DOCK3: variants seen among roughly 807,000 people sequenced by gnomAD.
DOCK3 encodes dedicator of cytokinesis protein 3.
Under a neutral mutation model 265.6 loss-of-function variants are expected in DOCK3, and 60 were observed. That is an observed-to-expected ratio of 0.23 (90% CI 0.18 to 0.28). The LOEUF (loss-of-function observed/expected upper bound fraction) is 0.28, where lower values mean the gene tolerates loss of function less well. Ranked by LOEUF, DOCK3 falls within the 10% of genes least tolerant of loss-of-function variation. The probability of loss-of-function intolerance (pLI) is 1.00; values close to 1 mark genes in which losing one functional copy is unlikely to be tolerated. For synonymous variants in DOCK3, 881 were observed against 938.0 expected (o/e 0.94, Z 1.11); for missense variants, 1,981 against 2,594.3 (o/e 0.76, Z 5.14).
chr3:50,857,590 A>G (rs1312507746), intron 3 of DOCK3, among the ~76,000 whole-genome samples: 1 of 152,202 alleles, frequency 6.6e-6, no homozygotes, highest in East Asian at 1.9e-4. Flanking sequence ...AATTTACAAG[A>G]AAAAACACCA....
chr3:51,354,981 C>A lies in DOCK3; in HGVS notation c.4207C>A (p.Pro1403Thr). ...TCCGCAGGCTGTCGCCATGCAGCAC[C>A]CCAACCATCCTGATGACGCCATCCT... The part of the protein sequence containing the change: ...EFPQAVAMQH[P>T]NHPDDAILQC... Residue 1403 changes from proline (P) to threonine (T), a missense_variant, in exon 41 of 53, where the codon CCC becomes ACC. Transcript: ENST00000266037. 6.2e-7 allele frequency: 1 copy of A among 1,613,924 alleles called. No homozygotes were observed. Among genetic ancestry groups the A allele is most frequent in the Non-Finnish European group, 8.5e-7 (1 of 1,179,864 alleles).
At chr3:50,926,345 A>T (rs568238909) in intron 4 of DOCK3, among the ~76,000 whole-genome samples, 1 of 152,342 alleles carries the variant, frequency 6.6e-6, no homozygotes, top group East Asian at 1.9e-4. Flanking sequence ...TTGAGCATAC[A>T]GGCCAAGGGT....
Position 50,675,360 on chromosome 3 carries a change from C to A in DOCK3, c.37+60C>A, listed in dbSNP as rs1179416785. ...TCTGGGGGACGCGCCCAGCTCCCGG[C>A]CCCGCCTGGATTCGCATCCTCGTGC... On this transcript the variant is annotated intron_variant, in intron 1 of 52. Transcript: ENST00000266037. The surrounding 1 kb of genome is among the most constrained non-coding windows in gnomAD (Gnocchi z 6.1). 1.1e-5 allele frequency: 13 copies of A among 1,177,284 alleles called. No homozygotes were observed. The highest frequency in any genetic ancestry group is 1.4e-5 in the Non-Finnish European group (13 of 942,562). 72.9% of individuals were successfully genotyped at this position (1,177,284 alleles called of 1,614,324 possible).
chr3:51,220,649 T>C (rs1276852748), intron 14 of DOCK3, among the ~76,000 whole-genome samples: 2 of 53,206 alleles, frequency 3.8e-5, no homozygotes. Flanking sequence ...AGAGCAAGAC[T>C]CCATCTCAAA....
intron 16 of DOCK3, 41 bp from the exon 17 acceptor site, chr3:51,227,941 G>C (rs2090398508): frequency 6.3e-7 from 1 of 1,595,966 alleles, no homozygotes; most frequent in African/African-American, 1.3e-5. Flanking sequence ...AGGAAGCAGA[G>C]TGGAAGGCAA....
intron 1 of DOCK3, among the ~76,000 whole-genome samples, chr3:50,712,217 C>CT (rs1559541002): frequency 2.6e-5 from 4 of 151,926 alleles, no homozygotes; most frequent in Non-Finnish European, 5.9e-5. Flanking sequence ...ATTTTCTATT[C>CT]TTTTTTCCAG....
chr3:51,145,658 G>A (rs1190563735), intron 9 of DOCK3, among the ~76,000 whole-genome samples: 1 of 151,968 alleles, frequency 6.6e-6, no homozygotes, highest in Non-Finnish European at 1.5e-5. Context: ...TTTATGTGTG[G>A]CCCAAGACAG....
intron 3 of DOCK3, among the ~76,000 whole-genome samples, chr3:50,846,549 T>G (rs1046179473): frequency 6.6e-6 from 1 of 152,218 alleles, no homozygotes; most frequent in Non-Finnish European, 1.5e-5. Flanking sequence ...TCCCTCTTCC[T>G]TGATGTTTTG....
chr3:51,110,652 ACT>A (rs1298447971), intron 9 of DOCK3, among the ~76,000 whole-genome samples: 3 of 152,200 alleles, frequency 2.0e-5, no homozygotes, highest in Admixed American at 1.3e-4. Flanking sequence ...CATGTTAAAA[ACT>A]CTCAATGAAC....
chr3:50,787,097 C>T (rs2042223003), intron 2 of DOCK3: 17 of 717,076 alleles, frequency 2.4e-5, no homozygotes, highest in Middle Eastern at 3.3e-4. Flanking sequence ...GTTTCTTGAA[C>T]GATTTATTAC....
At chr3:50,982,012 T>C (rs1258239904) in intron 5 of DOCK3, among the ~76,000 whole-genome samples, 2 of 151,866 alleles carry the variant, frequency 1.3e-5, no homozygotes, top group Admixed American at 6.6e-5. Context: ...CCATGCCCAG[T>C]TAATTTTTGT....
chr3:51,158,458 A>G (rs1044646345), intron 10 of DOCK3, among the ~76,000 whole-genome samples: 2 of 152,278 alleles, frequency 1.3e-5, no homozygotes, highest in Admixed American at 1.3e-4. Flanking sequence ...AGGTGGGAGA[A>G]TCGCTTGACC....
chr3:50,777,077 G>A (rs2355350), intron 1 of DOCK3, among the ~76,000 whole-genome samples: 113,366 of 151,988 alleles, frequency 0.75, 43,651 homozygotes, highest in Middle Eastern at 0.88. Flanking sequence ...TGAGAGCAGT[G>A]TGGGGAACAC....
intron 12 of DOCK3, among the ~76,000 whole-genome samples, chr3:51,162,240 CTCTG>C (rs1353382505): frequency 6.6e-6 from 1 of 152,126 alleles, no homozygotes; most frequent in Non-Finnish European, 1.5e-5. Flanking sequence ...TTATCTGTTG[CTCTG>C]TCTGACTTGG....
chr3:50,916,521 A>G (rs1236119539), intron 4 of DOCK3, among the ~76,000 whole-genome samples: 1 of 151,974 alleles, frequency 6.6e-6, no homozygotes, highest in African/African-American at 2.4e-5. Context: ...ATTTTTGTTA[A>G]AATGTAGTTG....
intron 7 of DOCK3, among the ~76,000 whole-genome samples, chr3:51,085,852 C>A (rs573623491): frequency 1.1e-4 from 17 of 151,734 alleles, no homozygotes; most frequent in Admixed American, 9.8e-4. Context: ...CTGAAAAAAA[C>A]AATACAAAGG....
intron 9 of DOCK3, among the ~76,000 whole-genome samples, chr3:51,091,780 T>G (rs1232186470): frequency 3.4e-5 from 5 of 148,632 alleles, no homozygotes; most frequent in African/African-American, 1.3e-4. Flanking sequence ...AGAAGGCGGG[T>G]GATTTCTGCA....
Position 50,932,791 on chromosome 3 carries a change from A to G in DOCK3, c.219-1190A>G, listed in dbSNP as rs557050840. ...TTTTTTGCATGTATTGGGCCTTGAC[A>G]TTTCTTCAGAGAAGAGTTCATTGAT... On this transcript the variant is annotated intron_variant, in intron 4 of 52. Coordinates refer to ENST00000266037, the MANE Select transcript of DOCK3 (RefSeq NM_004947.5). Among the ~76,000 whole-genome samples the G allele has an allele frequency of 5.3e-5, 8 of 152,252 alleles. No homozygotes were observed. The South Asian group carries it at 1.7e-3, about 32-fold the overall frequency.
At chr3:50,697,411 G>A (rs2035700890) in intron 1 of DOCK3, among the ~76,000 whole-genome samples, 1 of 151,990 alleles carries the variant, frequency 6.6e-6, no homozygotes, top group African/African-American at 2.4e-5. Flanking sequence ...CCAAAATGGT[G>A]AAACCCCGTC....
Sources: allele counts gnomAD v4.1 joint callset (sites outside exome capture counted in the v4.1 genomes callset), GRCh38; gene constraint gnomAD v4.1.1; non-coding constraint Gnocchi (gnomAD v3.1); transcripts MANE v1.5; gene names NCBI Gene and HGNC (gene_info 2026-07-23, HGNC 2026-07-21).